Variants in RRN3 observed in about 807,000 individuals in gnomAD.
RRN3 encodes RNA polymerase I-specific transcription initiation factor RRN3.
A neutral mutation model predicts 82.3 loss-of-function variants in RRN3; 38 were observed. The ratio of observed to expected loss-of-function variants is 0.46; its 90% CI spans 0.36 to 0.61. RRN3 has a LOEUF of 0.61. Ranked by LOEUF, RRN3 falls within the 20% of genes least tolerant of loss-of-function variation. The pLI is 0.00. For missense variants in RRN3, 726 were observed against 793.1 expected, an observed-to-expected ratio of 0.92 and a Z score of 1.02; for synonymous variants, 284 against 284.3, an observed-to-expected ratio of 1.00 and a Z score of 0.01.
chr16:15,086,129 G>A lies in RRN3; in HGVS notation c.472C>T (p.Pro158Ser), dbSNP rs369491262. The A allele has an allele frequency of 1.9e-5, 31 of 1,605,084 alleles. No individual in the cohort carries two copies. The African/African-American group carries it at 2.3e-4, about 12-fold the overall frequency. ...LSMIASHFVP[P>S]RVIIKEGDVD... is the part of the protein sequence containing the mutation. ...AATAAAATTCCAAGCAATGACTTAC[G>A]AGGCACAAAATGGGAAGCAATCATG... Residue 158 changes from proline (P) to serine (S), a missense_variant and splice_region_variant, in exon 5 of 18, where the codon CCC becomes TCC. Pro to Ser is a moderately conservative substitution (Grantham distance 74, BLOSUM62 -1). This residue lies in a region of RRN3 where 344 missense variants were observed against 394.5 expected (regional missense o/e 0.87). Coordinates refer to ENST00000198767, the MANE Select transcript of RRN3 (RefSeq NM_018427.5).
rs1468765561 is a variant in RRN3, at chr16:15,061,805, C to T, written c.1895G>A (p.Arg632Gln). The change falls in exon 18 of 18, where the codon CGA becomes CAA. Residue 632 changes from arginine (R) to glutamine (Q), a missense_variant. Coordinates refer to ENST00000198767, the MANE Select transcript of RRN3 (RefSeq NM_018427.5). ...ITPSSFDTHF[R>Q]SPSSSVGSPP... ...GGAGCCCACACTACTTGAAGGACTT[C>T]GGAAATGCGTGTCAAAGGAGCTTGG... The T allele has an allele frequency of 1.4e-5, 22 of 1,614,032 alleles. No individual in the cohort carries two copies. Among genetic ancestry groups the T allele is most frequent in the South Asian group, 3.3e-5 (3 of 91,092 alleles).
intron 9 of RRN3, among the ~76,000 whole-genome samples, chr16:15,078,779 ACTCTTCCAACTGC>A (rs1347920275): frequency 2.8e-5 from 4 of 141,850 alleles, no homozygotes; most frequent in Non-Finnish European, 6.1e-5. Context: ...AGATGGAACT[ACTCTTCCAACTGC>A]CTCCTCTTCG....
At chr16:15,073,190 G>T in intron 11 of RRN3, 110 bp from the exon 12 acceptor site, 1 of 1,248,764 alleles carries the variant, frequency 8.0e-7, no homozygotes, top group African/African-American at 1.5e-5. Context: ...ATCCAGCCAA[G>T]CACAGTGGCT....
chr16:15,060,298 A>G lies in RRN3; in HGVS notation c.*1446T>C. On this transcript the variant is annotated 3_prime_UTR_variant, in exon 18 of 18. Coordinates refer to ENST00000198767, the MANE Select transcript of RRN3 (RefSeq NM_018427.5). Reference sequence around the variant, plus strand: ...TTAAAAAGACAACCTTAAAGTTCTCAAATTACTTTCCACCAAACCCGGAAA... The same window carrying G: ...TTAAAAAGACAACCTTAAAGTTCTCGAATTACTTTCCACCAAACCCGGAAA... 1 of 252,980 alleles carries G rather than the reference A, an allele frequency of 4.0e-6. No individual in the cohort carries two copies. The highest frequency in any genetic ancestry group is 8.1e-6 in the Non-Finnish European group (1 of 123,384). 15.7% of individuals were successfully genotyped at this position (252,980 alleles called of 1,614,324 possible).
At chr16:15,066,897 A>G (rs1325386822) in intron 15 of RRN3, among the ~76,000 whole-genome samples, 1 of 151,854 alleles carries the variant, frequency 6.6e-6, no homozygotes, top group East Asian at 1.9e-4. Context: ...TGTGCCTCCA[A>G]TGCGCATGCC....
Position 15,092,628 on chromosome 16 carries a change from A to G in RRN3, c.90-14T>C, listed in dbSNP as rs759004498. ...ATATTTGAAATCCTGTGGAACCAAG[A>G]TTAACAAGCTATTAAGTTCATGAAA... On this transcript the variant is annotated splice_polypyrimidine_tract_variant and intron_variant, in intron 1 of 17. Coordinates refer to ENST00000198767, the MANE Select transcript of RRN3 (RefSeq NM_018427.5). 1 of 1,451,208 alleles carries G rather than the reference A, an allele frequency of 6.9e-7. No individual in the cohort carries two copies. Among genetic ancestry groups the G allele is most frequent in the South Asian group, 1.1e-5 (1 of 87,272 alleles). The allele number at this position is 1,451,208 out of a possible 1,614,324, so 89.9% of individuals were successfully genotyped here.
At chr16:15,075,163 T>C (rs74751035) in intron 10 of RRN3, among the ~76,000 whole-genome samples, 4,431 of 147,262 alleles carry the variant, frequency 0.03, 95 homozygotes, top group South Asian at 0.068. Context: ...GGCAGGAAAA[T>C]AGCTTGAACT....
At chr16:15,094,283 T>C (rs1345021598), upstream of RRN3, 65 of 1,418,626 alleles carry the variant, frequency 4.6e-5, no homozygotes, top group Non-Finnish European at 5.8e-5. Context: ...GCCCAGCTCC[T>C]TCCAGCCACA....
At chr16:15,087,458 T>C (rs910010140) in intron 3 of RRN3, among the ~76,000 whole-genome samples, 9 of 152,196 alleles carry the variant, frequency 5.9e-5, no homozygotes, top group African/African-American at 1.9e-4. Flanking sequence ...CTATCCTCTG[T>C]CCACCGTCCC....
At position 15,070,254 on chromosome 16, in the gene RRN3, A is replaced by G. The variant is rs563708358; in HGVS notation, c.1260T>C (p.Ile420=). 1 of 1,611,610 alleles carries G rather than the reference A, an allele frequency of 6.2e-7. No homozygotes were observed. Among genetic ancestry groups the G allele is most frequent in the Admixed American group, 1.7e-5 (1 of 59,954 alleles). ...FLARAKFIPL[I]TVKSCLDLLV... is the part of the protein sequence containing the mutation. ...AAAGATCTAGGCATGATTTTACAGT[A>G]CTAGAGAAAAGAAAAATTCAAGTCA... is the stretch of plus-strand genomic sequence containing the variant. Residue 420 remains isoleucine (I), a splice_region_variant and synonymous_variant, in exon 14 of 18, where the codon ATT becomes ATC. Transcript: ENST00000198767.
intron 17 of RRN3, 36 bp downstream of exon 17, chr16:15,063,160 G>A (rs754996175): frequency 2.9e-6 from 4 of 1,398,832 alleles, no homozygotes; most frequent in Non-Finnish European, 4.1e-6. Flanking sequence ...CCAGAAAGGA[G>A]ATTCCGAGAG....
Position 15,060,249 on chromosome 16 carries a change from A to T in RRN3, c.*1495T>A, listed in dbSNP as rs2044664719. On this transcript the variant is annotated 3_prime_UTR_variant, in exon 18 of 18. Transcript: ENST00000198767. Reference sequence around the variant, plus strand: ...TCGTTTACTCGTTTTATCTAATATTAAAAAATCAACATTTTGCCAGCAGTT... The same window carrying T: ...TCGTTTACTCGTTTTATCTAATATTTAAAAATCAACATTTTGCCAGCAGTT... 6.0e-6 allele frequency: 2 copies of T among 335,224 alleles called. No individual in the cohort carries two copies. The highest frequency in any genetic ancestry group is 3.9e-4 in the Middle Eastern group (1 of 2,566). The allele number at this position is 335,224 out of a possible 1,614,324, so 20.8% of individuals were successfully genotyped here.
intron 11 of RRN3, among the ~76,000 whole-genome samples, chr16:15,073,848 C>T (rs950990515): frequency 2.6e-5 from 4 of 151,992 alleles, no homozygotes; most frequent in Non-Finnish European, 5.9e-5. Context: ...GTCTTGAACT[C>T]CTGGCCTCAG....
At chr16:15,069,365 G>A (rs2045124210) in intron 14 of RRN3, among the ~76,000 whole-genome samples, 1 of 152,168 alleles carries the variant, frequency 6.6e-6, no homozygotes, top group African/African-American at 2.4e-5. Flanking sequence ...TTTAGAGGAA[G>A]TGACCCACAA....
intron 11 of RRN3, among the ~76,000 whole-genome samples, chr16:15,074,101 C>T (rs1387468575): frequency 6.6e-6 from 1 of 152,066 alleles, no homozygotes; most frequent in South Asian, 2.1e-4. Context: ...AGAAATGTGG[C>T]CATTTAAATT....
intron 9 of RRN3, among the ~76,000 whole-genome samples, chr16:15,078,726 A>C (rs1298513179): frequency 6.6e-6 from 1 of 151,680 alleles, no homozygotes; most frequent in Non-Finnish European, 1.5e-5. Flanking sequence ...ACTGCCTGTG[A>C]GTATTCTCTG....
At chr16:15,075,407 A>T (rs549916486) in intron 10 of RRN3, among the ~76,000 whole-genome samples, 1 of 152,174 alleles carries the variant, frequency 6.6e-6, no homozygotes, top group South Asian at 2.1e-4. Flanking sequence ...ACCTGTCTCT[A>T]CAAAAATAGA....
Position 15,070,248 on chromosome 16 carries a change from T to C in RRN3, c.1266A>G (p.Val422=), listed in dbSNP as rs750726811. 9.3e-6 allele frequency: 15 copies of C among 1,611,336 alleles called. No individual in the cohort carries two copies. The East Asian group carries it at 3.3e-4, about 36-fold the overall frequency. The change falls in exon 14 of 18, where the codon GTA becomes GTG. Residue 422 remains valine, a synonymous_variant. Transcript: ENST00000198767. ...ARAKFIPLIT[V]KSCLDLLVNW... ...TAACCAAAAGATCTAGGCATGATTT[T>C]ACAGTACTAGAGAAAAGAAAAATTC...
chr16:15,087,087 C>A (rs2045940041), intron 3 of RRN3, among the ~76,000 whole-genome samples: 1 of 151,980 alleles, frequency 6.6e-6, no homozygotes, highest in Non-Finnish European at 1.5e-5. Context: ...AATACAGTGT[C>A]AATTATGTAA....
Sources: gnomAD v4.1 joint callset for allele counts (sites outside exome capture counted in the v4.1 genomes callset) on GRCh38, gnomAD v4.1.1 for gene constraint, gnomAD v4.1.1 regional missense constraint, MANE v1.5 for transcripts, NCBI Gene and HGNC (gene_info 2026-07-23, HGNC 2026-07-21) for gene names.